TRDN: variants seen among roughly 807,000 people sequenced by gnomAD.
TRDN encodes the protein triadin.
TRDN carries 161 observed loss-of-function variants against 149.7 expected under a neutral mutation model. The ratio of observed to expected loss-of-function variants is 1.08; its 90% confidence interval spans 0.95 to 1.23. The LOEUF is 1.23. TRDN is among the 50% of genes most tolerant of loss of function. The probability of loss-of-function intolerance (pLI) is 0.00; values close to 1 mark genes in which losing one functional copy is unlikely to be tolerated. For missense variants in TRDN, 896 were observed against 823.5 expected (o/e 1.09, Z -1.08); for synonymous variants, 294 against 250.5 (o/e 1.17, Z -1.64).
intron 1 of TRDN, chr6:123,583,939 C>A (rs578177852): frequency 7.6e-6 from 2 of 261,544 alleles, no homozygotes; most frequent in South Asian, 3.7e-5. Context: ...TAGATTTCCA[C>A]GATGGAAAGG....
intron 21 of TRDN, among the ~76,000 whole-genome samples, chr6:123,347,051 C>G (rs1318104979): frequency 6.6e-6 from 1 of 151,794 alleles, no homozygotes. Flanking sequence ...GAATGGAGAA[C>G]GTGGGGTAGA....
intron 1 of TRDN, among the ~76,000 whole-genome samples, chr6:123,581,413 T>C (rs938689488): frequency 3.9e-5 from 6 of 152,190 alleles, no homozygotes; most frequent in African/African-American, 9.7e-5. Flanking sequence ...AGGGATCAAG[T>C]CATCTATCCT....
In TRDN at chr6:123,331,221, G is replaced by T. The variant is rs536772815; in HGVS notation, c.1471+658C>A. ...TTGGCAAGTTTATTTGTGTTTTAGG[G>T]AACATAATTTGATGTATGGCATATC... On this transcript the variant is annotated intron_variant, in intron 23 of 40. Coordinates refer to ENST00000334268, the MANE Select transcript of TRDN (RefSeq NM_006073.4). Among the ~76,000 whole-genome samples, 7 of 152,090 alleles carry T rather than the reference G, an allele frequency of 4.6e-5. 1 individual carries two copies. The South Asian group carries it at 1.2e-3, about 27-fold the overall frequency.
intron 9 of TRDN, among the ~76,000 whole-genome samples, chr6:123,465,613 GAGAGAA>G (rs1776753169): frequency 7.0e-6 from 1 of 143,008 alleles, no homozygotes; most frequent in African/African-American, 2.6e-5. Context: ...AAGAGAGAGA[GAGAGAA>G]AGAAAGAAAA....
chr6:123,499,620 C>T (rs985112767), intron 8 of TRDN, among the ~76,000 whole-genome samples: 2 of 145,046 alleles, frequency 1.4e-5, no homozygotes, highest in African/African-American at 5.1e-5. Flanking sequence ...AGGAGAACTG[C>T]TTGAACCCGG....
intron 8 of TRDN, chr6:123,502,679 CTGCTCTG>C (rs1486520053): frequency 5.4e-5 from 53 of 984,336 alleles, no homozygotes; most frequent in African/African-American, 7.0e-5. Context: ...TCCAAATAGC[CTGCTCTG>C]TAATAAAATT....
chr6:123,624,623 T>C (rs1288806507), intron 1 of TRDN, among the ~76,000 whole-genome samples: 1 of 152,170 alleles, frequency 6.6e-6, no homozygotes, highest in Non-Finnish European at 1.5e-5. Context: ...CTAGTTCTCA[T>C]AGTATTTAGA....
intron 12 of TRDN, among the ~76,000 whole-genome samples, chr6:123,416,839 T>C (rs1773672792): frequency 6.6e-6 from 1 of 152,114 alleles, no homozygotes; most frequent in Admixed American, 6.6e-5. Context: ...GTAGCTAGGA[T>C]TACAGGCATC....
intron 15 of TRDN, 76 bp downstream of exon 15, chr6:123,382,042 C>T: frequency 1.0e-6 from 1 of 996,806 alleles, no homozygotes; most frequent in Non-Finnish European, 1.3e-6. Context: ...CTTTCTTCTA[C>T]ATCAATCCTT....
intron 38 of TRDN, among the ~76,000 whole-genome samples, chr6:123,232,600 G>C (rs1196697499): frequency 6.6e-6 from 1 of 151,956 alleles, no homozygotes; most frequent in African/African-American, 2.4e-5. Flanking sequence ...AAGAACTGCA[G>C]AGGCATGATT....
chr6:123,499,903 G>T (rs1451652453), intron 8 of TRDN, among the ~76,000 whole-genome samples: 1 of 150,438 alleles, frequency 6.6e-6, no homozygotes, highest in Non-Finnish European at 1.5e-5. Flanking sequence ...TATACAAGAG[G>T]ATGTGTATAG....
In TRDN at chr6:123,240,637, T is replaced by C. The variant is rs78976350; in HGVS notation, c.1975+11775A>G. Among the ~76,000 whole-genome samples, 468 of 152,028 alleles carry C rather than the reference T, an allele frequency of 3.1e-3. 18 individuals carry two copies. The East Asian group carries it at 0.076, about 25-fold the overall frequency. On this transcript the variant is annotated intron_variant, in intron 38 of 40. Transcript: ENST00000334268. ...ATTTTAGACAAATGAATTCAAAACA[T>C]AATTGGGCATGAATAACATTATTCA...
rs79488030 is a variant in TRDN, at chr6:123,252,199, A to G, written c.1975+213T>C. 8.3e-3 allele frequency among the ~76,000 whole-genome samples: 1,256 copies of G among 152,138 alleles called. 27 individuals carry two copies. The highest frequency in any genetic ancestry group is 0.079 in the East Asian group (406 of 5,166). On this transcript the variant is annotated intron_variant, in intron 38 of 40. Coordinates refer to ENST00000334268, the MANE Select transcript of TRDN (RefSeq NM_006073.4). The stretch of plus-strand genomic sequence containing the variant: ...TTTTCAGGCTTGAGAAAATAATAAG[A>G]TATTTCTGTTACAAGTTGTAATTTC...
At chr6:123,547,733 C>T (rs1006831667) in intron 3 of TRDN, among the ~76,000 whole-genome samples, 1 of 151,954 alleles carries the variant, frequency 6.6e-6, no homozygotes. Flanking sequence ...TAAAAGCTTT[C>T]CTGGTAGTCA....
intron 24 of TRDN, among the ~76,000 whole-genome samples, chr6:123,311,799 T>G (rs1286352380): frequency 6.6e-6 from 1 of 151,944 alleles, no homozygotes; most frequent in African/African-American, 2.4e-5. Flanking sequence ...AATCAGAATG[T>G]TTCTGTTGGA....
At chr6:123,491,041 G>A (rs1778193119) in intron 9 of TRDN, among the ~76,000 whole-genome samples, 1 of 151,808 alleles carries the variant, frequency 6.6e-6, no homozygotes, top group Non-Finnish European at 1.5e-5. Context: ...GGGAGGCAGA[G>A]GTTGCAGTGA....
intron 1 of TRDN, among the ~76,000 whole-genome samples, chr6:123,624,589 T>C (rs530238490): frequency 3.9e-4 from 60 of 152,290 alleles, no homozygotes; most frequent in Admixed American, 6.5e-4. Context: ...ACAGCAACTC[T>C]TGACAAGACC....
At chr6:123,503,256 C>T in intron 8 of TRDN, 1 of 985,140 alleles carries the variant, frequency 1.0e-6, no homozygotes, top group Non-Finnish European at 1.2e-6. Context: ...GTGCTCTTGC[C>T]AATGCAACAG....
At chr6:123,634,585 T>C (rs1179671307) in intron 1 of TRDN, among the ~76,000 whole-genome samples, 1 of 151,942 alleles carries the variant, frequency 6.6e-6, no homozygotes, top group Non-Finnish European at 1.5e-5. Context: ...AAGACAATTG[T>C]AGCTAGGGCA....
Sources: gnomAD v4.1 joint callset for allele counts (sites outside exome capture counted in the v4.1 genomes callset) on GRCh38, gnomAD v4.1.1 for gene constraint, MANE v1.5 for transcripts, NCBI Gene and HGNC (gene_info 2026-07-23, HGNC 2026-07-21) for gene names.